Variants in UNC13D observed in about 807,000 individuals in gnomAD.
UNC13D encodes unc-13 homolog D.
In UNC13D, 115 loss-of-function variants were observed where a neutral mutation model predicts 151.7. The ratio of observed to expected loss-of-function variants is 0.76; its 90% CI spans 0.65 to 0.88. UNC13D has a LOEUF of 0.88. UNC13D is among the 40% of genes least tolerant of loss of function. The probability of loss-of-function intolerance (pLI) is 0.00; values close to 1 mark genes in which losing one functional copy is unlikely to be tolerated. For missense variants in UNC13D, 1,369 were observed against 1,438.7 expected, an observed-to-expected ratio of 0.95 and a Z score of 0.78; for synonymous variants, 588 against 612.2, an observed-to-expected ratio of 0.96 and a Z score of 0.58.
At position 75,831,182 on chromosome 17, in the gene UNC13D, T is replaced by C. The variant is rs533490795; in HGVS notation, c.2554-13A>G. Reference sequence around the variant, plus strand: ...AGATCTCCAGGTTCTGGGGGAGATATCAGAGGTGACCCCAGGCACCCTCCC... The same window carrying C: ...AGATCTCCAGGTTCTGGGGGAGATACCAGAGGTGACCCCAGGCACCCTCCC... On this transcript the variant is annotated splice_polypyrimidine_tract_variant and intron_variant, in intron 26 of 31. Transcript: ENST00000207549. 6.6e-5 allele frequency: 107 copies of C among 1,614,052 alleles called. No individual in the cohort carries two copies. The East Asian group carries it at 2.1e-3, about 31-fold the overall frequency.
chr17:75,834,367 C>T lies in UNC13D; in HGVS notation c.2256G>A (p.Leu752=). The change falls in exon 23 of 32, where the codon CTG becomes CTA. Residue 752 remains leucine (L), a synonymous_variant. Coordinates refer to ENST00000207549, the MANE Select transcript of UNC13D (RefSeq NM_199242.3). ...HAQLQSALAG[L]GHEIRTGVRT... ...GGACGCCAGTGCGGATCTCATGGCC[C>T]AGCCCGGCCAGCGCGCTCTGCAGCT... 6.3e-7 allele frequency: 1 copy of T among 1,593,832 alleles called. No homozygotes were observed.
intron 6 of UNC13D, among the ~76,000 whole-genome samples, chr17:75,841,798 G>A (rs906019420): frequency 1.3e-5 from 2 of 148,816 alleles, no homozygotes; most frequent in Non-Finnish European, 3.0e-5. Context: ...CACCAGGCTG[G>A]AGTGCAGTGG....
Position 75,832,069 on chromosome 17 carries a change from A to G in UNC13D, c.2448-721T>C. 1 of 152,884 alleles carries G rather than the reference A, an allele frequency of 6.5e-6. No homozygotes were observed. Among genetic ancestry groups the G allele is most frequent in the South Asian group, 2.1e-4 (1 of 4,866 alleles). The allele number at this position is 152,884 out of a possible 1,614,324, so 9.5% of individuals were successfully genotyped here. A position where few individuals can be genotyped will look rare whatever the true frequency, so the allele number is the denominator to read the frequency against. ...GAGGCGGAGGTTGCAGTGAGCTGAG[A>G]TCGCGCCACTGCACTCCAGCCTGGG... On this transcript the variant is annotated intron_variant, in intron 25 of 31. Transcript: ENST00000207549. The surrounding 1 kb of genome is among the most constrained non-coding windows in gnomAD (Gnocchi z 4.3).
At chr17:75,835,205 C>G in intron 20 of UNC13D, 142 bp from the exon 21 acceptor site, 1 of 1,466,110 alleles carries the variant, frequency 6.8e-7, no homozygotes, top group Non-Finnish European at 9.2e-7. Flanking sequence ...GCCCAGACCC[C>G]CAGGCTGCAG....
Position 75,830,492 on chromosome 17 carries a change from G to A in UNC13D, c.2710-10C>T. 1.3e-6 allele frequency: 2 copies of A among 1,591,852 alleles called. No homozygotes were observed. The highest frequency in any genetic ancestry group is 1.7e-6 in the Non-Finnish European group (2 of 1,169,480). ...CAGAGGTGGTTTCTGCCTGGGGTGG[G>A]GAGCAGGGGCAGGGTCAGCAGGGTC... On this transcript the variant is annotated splice_polypyrimidine_tract_variant and intron_variant, in intron 28 of 31. Coordinates refer to ENST00000207549, the MANE Select transcript of UNC13D (RefSeq NM_199242.3).
rs202020396 is a variant in UNC13D, at chr17:75,840,100, G to T, written c.869C>A (p.Ser290Ter). ...GTAGCTCGGCTGCGAGCGGCTGGCC[G>T]AAGTGGCTCTCTGCAATGAGGCCTC... ...FQLIHKRRAT[S>*]ASRSQPSYTV... The change falls in exon 11 of 32, where the codon TCG (serine) becomes TAG (stop). Residue 290 changes from serine to a stop codon, truncating the protein, a stop_gained. Coordinates refer to ENST00000207549, the MANE Select transcript of UNC13D (RefSeq NM_199242.3). LOFTEE classifies it high-confidence loss of function. The surrounding 1 kb of genome is among the most constrained non-coding windows in gnomAD (Gnocchi z 4.6). 6.2e-7 allele frequency: 1 copy of T among 1,612,650 alleles called. No homozygotes were observed. The highest frequency in any genetic ancestry group is 8.5e-7 in the Non-Finnish European group (1 of 1,179,762).
rs766321139 is a variant in UNC13D at position 75,840,579 on chromosome 17, G to A, written c.684-3C>T. On this transcript the variant is annotated splice_polypyrimidine_tract_variant and splice_region_variant and intron_variant, in intron 8 of 31. Coordinates refer to ENST00000207549, the MANE Select transcript of UNC13D (RefSeq NM_199242.3). The surrounding 1 kb of genome is among the most constrained non-coding windows in gnomAD (Gnocchi z 4.6). ...CCTTCCGGGCCTCTTTAAAGATCCT[G>A]CGTCAGGCAGGGTCCCATAAGGGGG... is the stretch of plus-strand genomic sequence containing the variant. 6 of 1,613,960 alleles carry A rather than the reference G, an allele frequency of 3.7e-6. No homozygotes were observed. Among genetic ancestry groups the A allele is most frequent in the South Asian group, 1.1e-5 (1 of 91,080 alleles).
Position 75,833,044 on chromosome 17 carries a change from G to T in UNC13D, c.2369C>A (p.Ala790Asp). ...CAGGAACTTCATCAGGGGCAGAATG[G>T]CCTGGGGAGGGAGATGGGGAGCAGG... is the stretch of plus-strand genomic sequence containing the variant. ...GVRESVLPED[A>D]ILPLMKFLEV... Residue 790 changes from alanine to aspartate, a missense_variant and splice_region_variant, in exon 25 of 32, where the codon GCC (alanine) becomes GAC (aspartate). Coordinates refer to ENST00000207549, the MANE Select transcript of UNC13D (RefSeq NM_199242.3). This position sits in a 1 kb window ranked among gnomAD's most constrained non-coding sequence, Gnocchi z 4.0. The T allele has an allele frequency of 6.2e-7, 1 of 1,604,222 alleles. No individual in the cohort carries two copies. The highest frequency in any genetic ancestry group is 8.5e-7 in the Non-Finnish European group (1 of 1,176,290).
chr17:75,827,587 C>T lies in UNC13D; in HGVS notation c.*378G>A. 6.5e-7 allele frequency: 1 copy of T among 1,533,754 alleles called. No homozygotes were observed. The highest frequency in any genetic ancestry group is 2.4e-5 in the East Asian group (1 of 40,920). On this transcript the variant is annotated 3_prime_UTR_variant, in exon 32 of 32. Coordinates refer to ENST00000207549, the MANE Select transcript of UNC13D (RefSeq NM_199242.3). The stretch of plus-strand genomic sequence containing the variant: ...GCCCTGGTCCCAGTGAACCTGGCCC[C>T]CACCCCAGTGGCTGGAACAGGAAGG...
Position 75,834,420 on chromosome 17 carries a change from C to T in UNC13D, c.2203G>A (p.Gly735Arg), listed in dbSNP as rs1420089234. The change falls in exon 23 of 32, where the codon GGG becomes AGG. Residue 735 changes from glycine (G) to arginine (R), a missense_variant. Physicochemically the swap from Gly to Arg is moderately radical, Grantham distance 125. Coordinates refer to ENST00000207549, the MANE Select transcript of UNC13D (RefSeq NM_199242.3). ...EQRVGAVLEQ[G>R]QLQNTLHAQL... ...GCATGCAGCGTGTTCTGCAGCTGCC[C>T]CTGCTCCAGCACGGCCCCTACCCGC... The T allele has an allele frequency of 6.3e-7, 1 of 1,575,286 alleles. No individual in the cohort carries two copies. Among genetic ancestry groups the T allele is most frequent in the Middle Eastern group, 1.7e-4 (1 of 5,856 alleles).
intron 6 of UNC13D, 114 bp from the exon 7 acceptor site, chr17:75,841,115 C>T (rs933886312): frequency 3.4e-5 from 34 of 1,008,808 alleles, no homozygotes; most frequent in Admixed American, 2.6e-4. Flanking sequence ...TGCCAAACTT[C>T]CCTCCTCCCA....
intron 15 of UNC13D, 29 bp from the exon 16 acceptor site, chr17:75,836,285 G>A: frequency 6.2e-7 from 1 of 1,613,014 alleles, no homozygotes; most frequent in South Asian, 1.1e-5. Context: ...TGAGCAGGGA[G>A]GGACTGCCAG....
intron 22 of UNC13D, 23 bp downstream of exon 22, chr17:75,834,595 C>G (rs755911586): frequency 2.5e-6 from 4 of 1,613,494 alleles, no homozygotes; most frequent in Non-Finnish European, 2.5e-6. Context: ...CAGCTAGACT[C>G]CCAGCCCCAG....
At position 75,834,513 on chromosome 17, in the gene UNC13D, C is replaced by A; in HGVS notation, c.2110G>T (p.Asp704Tyr). 2 of 1,585,514 alleles carry A rather than the reference C, an allele frequency of 1.3e-6. No homozygotes were observed. Among genetic ancestry groups the A allele is most frequent in the Non-Finnish European group, 1.7e-6 (2 of 1,165,992 alleles). The change falls in exon 23 of 32, where the codon GAC becomes TAC. Residue 704 changes from aspartate to tyrosine, a missense_variant. Physicochemically the swap from Asp to Tyr is radical, Grantham distance 160. Coordinates refer to ENST00000207549, the MANE Select transcript of UNC13D (RefSeq NM_199242.3). ...AANMLCVVVN[D>Y]MEQLRLVIGK... ...ATCACCAGCCGCAGCTGCTCCATGTCATTCACCACCACACACAGCTGGGAC... is the reference window on the plus strand; with the variant it reads ...ATCACCAGCCGCAGCTGCTCCATGTAATTCACCACCACACACAGCTGGGAC...
At chr17:75,831,060 C>G (rs199759320) in intron 27 of UNC13D, 38 bp downstream of exon 27, 5 of 1,612,632 alleles carry the variant, frequency 3.1e-6, no homozygotes, top group Non-Finnish European at 4.2e-6. Flanking sequence ...GGCAGGCTCC[C>G]CAGACTTCCT....
rs1453847711 is a variant in UNC13D, at chr17:75,827,942, A to T, written c.*23T>A. On this transcript the variant is annotated 3_prime_UTR_variant, in exon 32 of 32. Coordinates refer to ENST00000207549, the MANE Select transcript of UNC13D (RefSeq NM_199242.3). ...CCTTGCAAGTCCCCACCGGGGACCC[A>T]GCCCCACCGCAAACCTCTACGGCTA... The T allele has an allele frequency of 6.2e-7, 1 of 1,607,474 alleles. No homozygotes were observed. The highest frequency in any genetic ancestry group is 8.5e-7 in the Non-Finnish European group (1 of 1,178,490).
At position 75,842,549 on chromosome 17, in the gene UNC13D, G is replaced by A. The variant is rs138997390; in HGVS notation, c.453C>T (p.Pro151=). ...CAGCCTTCTGCCGATGCCGGGACCC[G>A]GGGCTGCCCCCTGGCACACCTACCC... ...EQGVGVPGGS[P]GSRHRQKAVV... is the part of the protein sequence containing the mutation. The change falls in exon 6 of 32, where the codon CCC becomes CCT. Residue 151 remains proline (P), a synonymous_variant. Transcript: ENST00000207549. 4.2e-5 allele frequency: 68 copies of A among 1,611,906 alleles called. No individual in the cohort carries two copies. The highest frequency in any genetic ancestry group is 2.0e-4 in the African/African-American group (15 of 74,914).
intron 1 of UNC13D, chr17:75,844,003 C>T: frequency 7.0e-7 from 1 of 1,423,310 alleles, no homozygotes; most frequent in East Asian, 2.5e-5. Flanking sequence ...TTCTGAGAGC[C>T]TCAGACCACA....
Position 75,844,292 on chromosome 17 carries a change from G to GC in UNC13D, c.45dup (p.Arg16AlafsTer56). 6.2e-7 allele frequency: 1 copy of GC among 1,612,770 alleles called. No homozygotes were observed. Among genetic ancestry groups the GC allele is most frequent in the Non-Finnish European group, 8.5e-7 (1 of 1,179,934 alleles). The stretch of plus-strand genomic sequence containing the variant: ...CGGCGCCTTATCTTGATGGCCTGGC[G>GC]CAAGAAGGGAGGGCGCTGCTGCGGA... On this transcript the variant is annotated frameshift_variant, in exon 1 of 32. Transcript: ENST00000207549. LOFTEE classifies it high-confidence loss of function.
Sources: allele counts gnomAD v4.1 joint callset (sites outside exome capture counted in the v4.1 genomes callset), GRCh38; gene constraint gnomAD v4.1.1; non-coding constraint Gnocchi (gnomAD v3.1); transcripts MANE v1.5; gene names NCBI Gene and HGNC (gene_info 2026-07-23, HGNC 2026-07-21).